KCNJ6: variants seen among roughly 807,000 people sequenced by gnomAD.
KCNJ6 encodes the protein G protein-activated inward rectifier potassium channel 2.
KCNJ6 carries 9 observed loss-of-function variants against 34.2 expected under a neutral mutation model. The ratio of observed to expected loss-of-function variants is 0.26; its 90% CI spans 0.16 to 0.46. The LOEUF (loss-of-function observed/expected upper bound fraction) is 0.46. KCNJ6 is among the 20% of genes least tolerant of loss of function. The pLI is 1.00. For missense variants in KCNJ6, 236 were observed against 531.3 expected (o/e 0.44, Z 5.46); for synonymous variants, 196 against 207.1 (o/e 0.95, Z 0.46).
chr21:37,896,120 T>A (rs182339377), intron 1 of KCNJ6, among the ~76,000 whole-genome samples: 13 of 152,078 alleles, frequency 8.5e-5, no homozygotes, highest in African/African-American at 3.1e-4. Flanking sequence ...GCACGTCACA[T>A]GACAAGAGCA....
intron 2 of KCNJ6, among the ~76,000 whole-genome samples, chr21:37,761,608 T>C (rs1207432562): frequency 1.3e-5 from 2 of 150,048 alleles, no homozygotes; most frequent in Non-Finnish European, 3.0e-5. Context: ...GTTGTGTGTA[T>C]GTAGTATTTG....
intron 1 of KCNJ6, among the ~76,000 whole-genome samples, chr21:37,841,110 C>T (rs2836017): frequency 0.82 from 124,461 of 152,060 alleles, 51,474 homozygotes; most frequent in East Asian, 0.94. Flanking sequence ...ATTTGGTTTC[C>T]TCTTTCCAAA....
chr21:37,763,898 A>C, intron 2 of KCNJ6, among the ~76,000 whole-genome samples: 1 of 152,218 alleles, frequency 6.6e-6, no homozygotes, highest in South Asian at 2.1e-4. Flanking sequence ...ATGTATGTTC[A>C]TATGTAACAA....
At chr21:37,668,997 C>T (rs908517029) in intron 3 of KCNJ6, among the ~76,000 whole-genome samples, 1 of 152,082 alleles carries the variant, frequency 6.6e-6, no homozygotes, top group African/African-American at 2.4e-5. Context: ...GAGATTAGCA[C>T]CTTTAAAAGA....
chr21:37,717,416 C>G (rs1170506348), intron 2 of KCNJ6, among the ~76,000 whole-genome samples: 1 of 151,722 alleles, frequency 6.6e-6, no homozygotes, highest in African/African-American at 2.4e-5. Context: ...GTCCTTCTCA[C>G]TGGAGATGGG....
At chr21:37,914,917 T>A in intron 1 of KCNJ6, among the ~76,000 whole-genome samples, 1 of 61,434 alleles carries the variant, frequency 1.6e-5, no homozygotes, top group Non-Finnish European at 2.6e-5. Context: ...AGTTGTGGGG[T>A]TTTTTTTTTT....
At chr21:37,752,336 G>A (rs2055000180) in intron 2 of KCNJ6, among the ~76,000 whole-genome samples, 1 of 152,136 alleles carries the variant, frequency 6.6e-6, no homozygotes, top group African/African-American at 2.4e-5. Context: ...GCTGCAACAG[G>A]CTGACCAGCA....
At chr21:37,731,347 C>A (rs2054884176) in intron 2 of KCNJ6, among the ~76,000 whole-genome samples, 1 of 152,102 alleles carries the variant, frequency 6.6e-6, no homozygotes, top group Non-Finnish European at 1.5e-5. Context: ...GAAAAAAAGA[C>A]TTTCTAAGAT....
intron 1 of KCNJ6, among the ~76,000 whole-genome samples, chr21:37,899,370 T>C (rs1260887367): frequency 6.6e-6 from 1 of 152,190 alleles, no homozygotes; most frequent in Admixed American, 6.5e-5. Flanking sequence ...AGAAAAGCGA[T>C]TGTTAAGGAA....
rs146486786 is a variant in KCNJ6 at position 37,894,060 on chromosome 21, G to A, written c.-28+21824C>T. ...CCTCCATCACTTATAACTTCAGGAA[G>A]CCTTATAATTCTTGCTTAACCATTC... is the stretch of plus-strand genomic sequence containing the variant. On this transcript the variant is annotated intron_variant, in intron 1 of 3. Coordinates refer to ENST00000609713, the MANE Select transcript of KCNJ6 (RefSeq NM_002240.5). Among the ~76,000 whole-genome samples the A allele has an allele frequency of 3.2e-4, 48 of 152,316 alleles. No homozygotes were observed. In the East Asian group the frequency reaches 9.1e-3, roughly 29 times the overall value.
chr21:37,649,148 A>AC lies in KCNJ6; in HGVS notation c.947-23665_947-23664insG, dbSNP rs1462354671. 8.6e-5 allele frequency among the ~76,000 whole-genome samples: 13 copies of AC among 150,298 alleles called. No individual in the cohort carries two copies. The East Asian group carries it at 2.3e-3, about 27-fold the overall frequency. On this transcript the variant is annotated intron_variant, in intron 3 of 3. Transcript: ENST00000609713. ...ACTCCATCTCAAAAAAAAAAAAAAA[A>AC]AAAAAAGAAAGAAAAAGAAAGGGAG...
intron 2 of KCNJ6, 106 bp downstream of exon 2, chr21:37,840,552 C>A: frequency 1.3e-6 from 1 of 742,038 alleles, no homozygotes; most frequent in South Asian, 1.7e-5. Context: ...CCCGTAAGAG[C>A]AAAAGAGAAG....
chr21:37,677,781 C>T (rs1406335341), intron 3 of KCNJ6, among the ~76,000 whole-genome samples: 2 of 148,880 alleles, frequency 1.3e-5, no homozygotes, highest in African/African-American at 5.0e-5. Context: ...TCCATCCATC[C>T]ATCCATCCAC....
intron 1 of KCNJ6, among the ~76,000 whole-genome samples, chr21:37,906,549 G>A (rs1363332030): frequency 6.6e-6 from 1 of 152,208 alleles, no homozygotes; most frequent in African/African-American, 2.4e-5. Flanking sequence ...AGATCGGGGG[G>A]TGAGCTTGAG....
chr21:37,749,005 T>G (rs2054981235), intron 2 of KCNJ6, among the ~76,000 whole-genome samples: 1 of 152,196 alleles, frequency 6.6e-6, no homozygotes, highest in African/African-American at 2.4e-5. Flanking sequence ...TTCATCTAGA[T>G]GTATATGTGT....
chr21:37,833,526 T>C (rs1008064515), intron 2 of KCNJ6, among the ~76,000 whole-genome samples: 1 of 152,174 alleles, frequency 6.6e-6, no homozygotes, highest in African/African-American at 2.4e-5. Context: ...CAATATACCA[T>C]GTGCTCTTCC....
intron 1 of KCNJ6, among the ~76,000 whole-genome samples, chr21:37,884,419 C>T (rs1568884591): frequency 6.6e-6 from 1 of 152,164 alleles, no homozygotes; most frequent in African/African-American, 2.4e-5. Flanking sequence ...ATCTCAGCTT[C>T]CTGCCTCCTT....
intron 2 of KCNJ6, among the ~76,000 whole-genome samples, chr21:37,804,749 G>A (rs4816580): frequency 0.45 from 68,287 of 151,946 alleles, 16,614 homozygotes; most frequent in Middle Eastern, 0.53. Context: ...AAAGGATATG[G>A]TCTCATTATT....
chr21:37,753,095 G>A (rs987507863), intron 2 of KCNJ6, among the ~76,000 whole-genome samples: 5 of 152,322 alleles, frequency 3.3e-5, no homozygotes, highest in East Asian at 1.9e-4. Flanking sequence ...TGGGCGAGAC[G>A]GCCGCATGGA....
Sources: allele counts gnomAD v4.1 joint callset (sites outside exome capture counted in the v4.1 genomes callset), GRCh38; gene constraint gnomAD v4.1.1; transcripts MANE v1.5; gene names NCBI Gene and HGNC (gene_info 2026-07-23, HGNC 2026-07-21).